Variants in SLC35A3 observed in about 807,000 individuals in gnomAD.
The protein encoded by SLC35A3 is solute carrier family 35 member A3.
A neutral mutation model predicts 39.0 loss-of-function variants in SLC35A3; 26 were observed. The observed-to-expected ratio is 0.67, with a 90% CI of 0.49 to 0.92. The LOEUF (loss-of-function observed/expected upper bound fraction) is 0.92. SLC35A3 is among the 40% of genes least tolerant of loss of function. The pLI is 0.00. For missense variants in SLC35A3, 299 were observed against 371.6 expected, an observed-to-expected ratio of 0.80 and a Z score of 1.61; for synonymous variants, 135 against 133.1, an observed-to-expected ratio of 1.01 and a Z score of -0.10.
Position 99,999,267 on chromosome 1 carries a change from G to C in SLC35A3, c.194G>C (p.Ser65Thr). The change falls in exon 3 of 8, where the codon AGT becomes ACT. Residue 65 changes from serine to threonine, a missense_variant. Coordinates refer to ENST00000533028, the MANE Select transcript of SLC35A3 (RefSeq NM_012243.3). ...ILLVYKDSKC[S>T]LRALNRVLHD... The stretch of plus-strand genomic sequence containing the variant: ...TTCTCATATTATTTTCTAGAATGTA[G>C]TCTAAGAGCACTGAATCGAGTACTA... 6.5e-7 allele frequency: 1 copy of C among 1,543,384 alleles called. No individual in the cohort carries two copies. Among genetic ancestry groups the C allele is most frequent in the Non-Finnish European group, 8.7e-7 (1 of 1,147,710 alleles).
intron 1 of SLC35A3, among the ~76,000 whole-genome samples, chr1:99,976,070 CA>C (rs957292788): frequency 3.3e-5 from 5 of 151,612 alleles, no homozygotes; most frequent in African/African-American, 4.8e-5. Flanking sequence ...AAAAAAACTC[CA>C]AAAAAACCCC....
At chr1:99,990,957 C>T (rs1658045752) in intron 1 of SLC35A3, among the ~76,000 whole-genome samples, 1 of 152,140 alleles carries the variant, frequency 6.6e-6, no homozygotes, top group African/African-American at 2.4e-5. Context: ...TCACTAGAAC[C>T]CAACGATGCC....
In SLC35A3 at chr1:100,029,984, G is replaced by A. The variant is rs1035707515; in HGVS notation, c.*7508G>A. The A allele has an allele frequency of 2.6e-5, 4 of 152,010 alleles. No individual in the cohort carries two copies. Among genetic ancestry groups the A allele is most frequent in the Admixed American group, 6.6e-5 (1 of 15,264 alleles). 9.4% of individuals were successfully genotyped at this position (152,010 alleles called of 1,614,324 possible). On this transcript the variant is annotated 3_prime_UTR_variant, in exon 8 of 8. Transcript: ENST00000533028. ...AACATGGTTTATAAACCTTTTACCT[G>A]TACTGCATATTAATAAACAATTTTG...
intron 1 of SLC35A3, among the ~76,000 whole-genome samples, chr1:99,975,498 G>A (rs1403694752): frequency 1.3e-5 from 2 of 152,180 alleles, no homozygotes; most frequent in Non-Finnish European, 2.9e-5. Context: ...GAGTGTAGTA[G>A]AGTGAAGGAT....
chr1:99,999,289 A>G lies in SLC35A3; in HGVS notation c.216A>G (p.Val72=), dbSNP rs772118482. The change falls in exon 3 of 8, where the codon GTA becomes GTG. Residue 72 remains valine, a synonymous_variant. Transcript: ENST00000533028. The part of the protein sequence containing the change: ...SKCSLRALNR[V]LHDEILNKPM... ...GTAGTCTAAGAGCACTGAATCGAGTACTACATGATGAAATTCTTAATAAAC... is the reference window on the plus strand; with the variant it reads ...GTAGTCTAAGAGCACTGAATCGAGTGCTACATGATGAAATTCTTAATAAAC... 1 of 1,582,628 alleles carries G rather than the reference A, an allele frequency of 6.3e-7. No homozygotes were observed. Among genetic ancestry groups the G allele is most frequent in the South Asian group, 1.2e-5 (1 of 85,866 alleles).
rs1660622747 is a variant in SLC35A3, at chr1:100,022,481, A to G, written c.*5A>G. 7.3e-6 allele frequency: 11 copies of G among 1,511,828 alleles called. No individual in the cohort carries two copies. Among genetic ancestry groups the G allele is most frequent in the South Asian group, 4.6e-5 (4 of 86,304 alleles). 93.7% of individuals were successfully genotyped at this position (1,511,828 alleles called of 1,614,324 possible). On this transcript the variant is annotated 3_prime_UTR_variant, in exon 8 of 8. Coordinates refer to ENST00000533028, the MANE Select transcript of SLC35A3 (RefSeq NM_012243.3). Reference sequence around the variant, plus strand: ...GGAAATCCCACTAAAGCATAGTTGTATACTATCTTTAACTGGTTTTTCACG... The same window carrying G: ...GGAAATCCCACTAAAGCATAGTTGTGTACTATCTTTAACTGGTTTTTCACG...
At position 100,030,732 on chromosome 1, in the gene SLC35A3, A is replaced by G. The variant is rs1224422672; in HGVS notation, c.*8256A>G. 1 of 152,138 alleles carries G rather than the reference A, an allele frequency of 6.6e-6. No individual in the cohort carries two copies. Among genetic ancestry groups the G allele is most frequent in the Non-Finnish European group, 1.5e-5 (1 of 68,028 alleles). 9.4% of individuals were successfully genotyped at this position (152,138 alleles called of 1,614,324 possible). A position where few individuals can be genotyped will look rare whatever the true frequency, so the allele number is the denominator to read the frequency against. ...GTACAAACATGATTTCTAATAATTG[A>G]GGGTTTATTAAGTTTTTCCCTTTAG... On this transcript the variant is annotated 3_prime_UTR_variant, in exon 8 of 8. Coordinates refer to ENST00000533028, the MANE Select transcript of SLC35A3 (RefSeq NM_012243.3).
intron 4 of SLC35A3, chr1:100,008,725 A>C (rs1570611321): frequency 6.6e-6 from 1 of 152,350 alleles, no homozygotes; most frequent in Middle Eastern, 3.4e-3. Context: ...CCTCTACCAG[A>C]ATATCTTCCT....
intron 2 of SLC35A3, among the ~76,000 whole-genome samples, chr1:99,994,914 C>A (rs1658292767): frequency 1.3e-5 from 2 of 152,258 alleles, no homozygotes; most frequent in South Asian, 4.1e-4. Context: ...CATTTTATAT[C>A]TCCATCAACA....
intron 1 of SLC35A3, among the ~76,000 whole-genome samples, chr1:99,972,854 A>T (rs1363116741): frequency 6.6e-6 from 1 of 152,212 alleles, no homozygotes; most frequent in Non-Finnish European, 1.5e-5. Context: ...TCCTAGTAAT[A>T]AATCGTTGGT....
intron 1 of SLC35A3, among the ~76,000 whole-genome samples, chr1:99,984,718 C>G (rs1257870498): frequency 6.6e-6 from 1 of 152,192 alleles, no homozygotes; most frequent in African/African-American, 2.4e-5. Flanking sequence ...AAAGTGTTCC[C>G]TTTTCAACAC....
chr1:99,990,340 C>T (rs1658005992), intron 1 of SLC35A3, among the ~76,000 whole-genome samples: 1 of 152,032 alleles, frequency 6.6e-6, no homozygotes, highest in South Asian at 2.1e-4. Flanking sequence ...CTTTGGGAGA[C>T]CAAGGTGGGT....
rs1305243057 is a variant in SLC35A3, at chr1:100,024,475, C to T, written c.*1999C>T. 6.6e-6 allele frequency: 1 copy of T among 151,398 alleles called. No homozygotes were observed. The highest frequency in any genetic ancestry group is 2.4e-5 in the African/African-American group (1 of 41,034). 9.4% of individuals were successfully genotyped at this position (151,398 alleles called of 1,614,324 possible). On this transcript the variant is annotated 3_prime_UTR_variant, in exon 8 of 8. Transcript: ENST00000533028. ...CTGAGGCAGGAGAATTTCTTGAACA[C>T]ACCAGGTGGAAGTTGCAGTGAGCCA...
intron 2 of SLC35A3, among the ~76,000 whole-genome samples, chr1:99,995,304 T>C (rs1658340668): frequency 6.6e-6 from 1 of 151,760 alleles, no homozygotes; most frequent in African/African-American, 2.4e-5. Flanking sequence ...AGGTGCATGC[T>C]ACCACACCCT....
At position 100,023,757 on chromosome 1, in the gene SLC35A3, C is replaced by G. The variant is rs1660706163; in HGVS notation, c.*1281C>G. 1.3e-5 allele frequency: 2 copies of G among 152,388 alleles called. No homozygotes were observed. The highest frequency in any genetic ancestry group is 6.5e-5 in the Admixed American group (1 of 15,292). The allele number at this position is 152,388 out of a possible 1,614,324, so 9.4% of individuals were successfully genotyped here. On this transcript the variant is annotated 3_prime_UTR_variant, in exon 8 of 8. Transcript: ENST00000533028. ...GGCGCAGTGGCTCACGCCTGTAATC[C>G]TAGCAGTTTGGGAGGCTGAGGCAGG...
intron 1 of SLC35A3, among the ~76,000 whole-genome samples, chr1:99,971,310 C>CTT (rs768562377): frequency 9.9e-5 from 14 of 141,184 alleles, no homozygotes; most frequent in African/African-American, 3.4e-4. Context: ...CAATATGATT[C>CTT]TTTTTTTTTT....
At chr1:100,020,886 G>C (rs1050102895) in intron 7 of SLC35A3, among the ~76,000 whole-genome samples, 15 of 152,158 alleles carry the variant, frequency 9.9e-5, no homozygotes, top group Admixed American at 6.5e-5. Flanking sequence ...ACTGATTGGA[G>C]TGGCTGAATT....
chr1:99,973,792 G>A (rs574136610), intron 1 of SLC35A3, among the ~76,000 whole-genome samples: 70 of 152,276 alleles, frequency 4.6e-4, no homozygotes, highest in African/African-American at 1.6e-3. Context: ...CCAGGCAGGC[G>A]GATCACGAGG....
Position 100,028,390 on chromosome 1 carries a change from C to G in SLC35A3, c.*5914C>G, listed in dbSNP as rs1288893503. Reference sequence around the variant, plus strand: ...CTAGGCTGGAGTGCGGTGACACAATCTTGGCTCACTGCAGCCTTGATAGAG... The same window carrying G: ...CTAGGCTGGAGTGCGGTGACACAATGTTGGCTCACTGCAGCCTTGATAGAG... On this transcript the variant is annotated 3_prime_UTR_variant, in exon 8 of 8. Coordinates refer to ENST00000533028, the MANE Select transcript of SLC35A3 (RefSeq NM_012243.3). The G allele has an allele frequency of 6.6e-6, 1 of 152,260 alleles. No individual in the cohort carries two copies. The highest frequency in any genetic ancestry group is 2.4e-5 in the African/African-American group (1 of 41,414). The allele number at this position is 152,260 out of a possible 1,614,324, so 9.4% of individuals were successfully genotyped here. A position where few individuals can be genotyped will look rare whatever the true frequency, so the allele number is the denominator to read the frequency against.
Sources: gnomAD v4.1 joint callset for allele counts (sites outside exome capture counted in the v4.1 genomes callset) on GRCh38, gnomAD v4.1.1 for gene constraint, MANE v1.5 for transcripts, NCBI Gene and HGNC (gene_info 2026-07-23, HGNC 2026-07-21) for gene names.